MAGI2: variants seen among roughly 807,000 people sequenced by gnomAD.
The protein encoded by MAGI2 is membrane associated guanylate kinase, WW and PDZ domain containing 2, also known as membrane-associated guanylate kinase, WW and PDZ domain-containing protein 2.
A neutral mutation model predicts 133.3 loss-of-function variants in MAGI2; 35 were observed. The observed-to-expected ratio is 0.26, with a 90% CI of 0.20 to 0.35. The LOEUF is 0.35. Among genes scored for constraint, MAGI2 ranks in the 10% least tolerant of loss-of-function variants. The pLI, the probability that MAGI2 is intolerant of heterozygous loss-of-function variation, is 1.00. For missense variants in MAGI2, 1,636 were observed against 1,863.4 expected (o/e 0.88, Z 2.25); for synonymous variants, 729 against 710.6 (o/e 1.03, Z -0.41).
intron 21 of MAGI2, among the ~76,000 whole-genome samples, chr7:78,070,466 A>G (rs13308037): frequency 0.48 from 70,552 of 145,758 alleles, 18,290 homozygotes; most frequent in East Asian, 0.69. Flanking sequence ...GTGTGTATAT[A>G]TGTGTGTATA....
At chr7:78,907,785 C>T (rs1584354669) in intron 2 of MAGI2, among the ~76,000 whole-genome samples, 1 of 151,998 alleles carries the variant, frequency 6.6e-6, no homozygotes, top group African/African-American at 2.4e-5. Context: ...AGAGATAAAC[C>T]GTGTCTAATA....
At chr7:79,076,316 T>G (rs1233137528) in intron 1 of MAGI2, among the ~76,000 whole-genome samples, 1 of 152,220 alleles carries the variant, frequency 6.6e-6, no homozygotes, top group Non-Finnish European at 1.5e-5. Flanking sequence ...TGAGAGGATC[T>G]ACTTGGAGGA....
chr7:78,256,478 C>A lies in MAGI2; in HGVS notation c.1512G>T (p.Leu504=). The A allele has an allele frequency of 5.6e-6, 9 of 1,613,872 alleles. No homozygotes were observed. The highest frequency in any genetic ancestry group is 6.8e-6 in the Non-Finnish European group (8 of 1,179,950). The part of the protein sequence containing the change: ...QSVPIGQSVN[L]VLCRGYPLPF... ...GCAAAGGGTAGCCACGACACAACAC[C>A]AGGTTGACACTCTGACCAATAGGAA... is the stretch of plus-strand genomic sequence containing the variant. The change falls in exon 10 of 22, where the codon CTG becomes CTT. Residue 504 remains leucine (L), a synonymous_variant. Coordinates refer to ENST00000354212, the MANE Select transcript of MAGI2 (RefSeq NM_012301.4).
At chr7:78,744,308 A>G (rs578187968) in intron 2 of MAGI2, among the ~76,000 whole-genome samples, 176 of 152,246 alleles carry the variant, frequency 1.2e-3, no homozygotes, top group African/African-American at 4.0e-3. Flanking sequence ...TAGTATCATT[A>G]GTTTTCATCC....
Position 79,072,199 on chromosome 7 carries a change from A to G in MAGI2, c.302-64993T>C, listed in dbSNP as rs111417059. ...CAGAAATCACTCGCCTTCTGTGCCA[A>G]TCTTGCTGGGACCTGCAGACTGGAG... On this transcript the variant is annotated intron_variant, in intron 1 of 21. Transcript: ENST00000354212. 5.3e-3 allele frequency among the ~76,000 whole-genome samples: 809 copies of G among 152,082 alleles called. 11 individuals are homozygous for G. Among genetic ancestry groups the G allele is most frequent in the African/African-American group, 0.018 (731 of 41,388 alleles).
intron 1 of MAGI2, among the ~76,000 whole-genome samples, chr7:79,218,175 C>T (rs988711905): frequency 8.5e-5 from 13 of 152,078 alleles, no homozygotes; most frequent in Non-Finnish European, 1.8e-4. Context: ...TACCTTGAGC[C>T]TGTCATTCCT....
At chr7:78,834,962 G>T (rs1258361546) in intron 2 of MAGI2, among the ~76,000 whole-genome samples, 1 of 152,156 alleles carries the variant, frequency 6.6e-6, no homozygotes, top group African/African-American at 2.4e-5. Context: ...CTCCTCAGAA[G>T]CTGAGCAGAT....
chr7:78,710,544 C>G (rs193215818), intron 2 of MAGI2, among the ~76,000 whole-genome samples: 1 of 152,074 alleles, frequency 6.6e-6, no homozygotes. Flanking sequence ...GTCCATGGCA[C>G]GATAATACCA....
At chr7:79,022,699 G>A (rs1382314932) in intron 1 of MAGI2, among the ~76,000 whole-genome samples, 2 of 147,800 alleles carry the variant, frequency 1.4e-5, no homozygotes, top group Non-Finnish European at 3.0e-5. Flanking sequence ...ATTACAACTG[G>A]CCACACAGAA....
At chr7:78,564,765 T>C (rs1042182129) in intron 3 of MAGI2, among the ~76,000 whole-genome samples, 17 of 147,326 alleles carry the variant, frequency 1.2e-4, no homozygotes, top group Non-Finnish European at 2.3e-4. Context: ...AGTTACTTCA[T>C]CTCATCTCTT....
At chr7:78,042,475 T>C (rs1171650872) in intron 21 of MAGI2, among the ~76,000 whole-genome samples, 3 of 152,170 alleles carry the variant, frequency 2.0e-5, no homozygotes, top group Admixed American at 2.0e-4. Context: ...GGGCGTGAAC[T>C]CCTCTGGGCT....
At chr7:78,220,172 ACAACT>A (rs1350164370) in intron 10 of MAGI2, among the ~76,000 whole-genome samples, 1 of 152,256 alleles carries the variant, frequency 6.6e-6, no homozygotes, top group African/African-American at 2.4e-5. Flanking sequence ...GGGCTGTGTG[ACAACT>A]CTATCTTTGC....
At chr7:79,155,778 T>C (rs1422997774) in intron 1 of MAGI2, among the ~76,000 whole-genome samples, 1 of 152,024 alleles carries the variant, frequency 6.6e-6, no homozygotes, top group East Asian at 1.9e-4. Context: ...TGGTGTGAGA[T>C]CATCACTAGA....
chr7:79,010,906 C>T (rs1206835951), intron 1 of MAGI2: 3 of 152,056 alleles, frequency 2.0e-5, no homozygotes, highest in Non-Finnish European at 2.9e-5. Context: ...AAAACATGTA[C>T]CTAATTTTCA....
chr7:79,417,871 A>C (rs1259782838), intron 1 of MAGI2, among the ~76,000 whole-genome samples: 1 of 152,164 alleles, frequency 6.6e-6, no homozygotes, highest in African/African-American at 2.4e-5. Flanking sequence ...GTAGAAACAA[A>C]GAGAAAACAA....
chr7:78,019,316 C>A lies in MAGI2; in HGVS notation c.4367G>T (p.Ter1456LeuextTer33). 1 of 1,562,200 alleles carries A rather than the reference C, an allele frequency of 6.4e-7. No individual in the cohort carries two copies. Among genetic ancestry groups the A allele is most frequent in the Non-Finnish European group, 8.6e-7 (1 of 1,163,942 alleles). ...GCGGGTTGGCCGTGGCCGCGCGGCTCATCTGCTGGCGGCCGAGGCGCCGGG... is the reference window on the plus strand; with the variant it reads ...GCGGGTTGGCCGTGGCCGCGCGGCTAATCTGCTGGCGGCCGAGGCGCCGGG... ...LKPGASAASR[*>L] The change falls in exon 22 of 22, where the codon TGA (stop) becomes TTA (leucine). Residue 1456 changes from the stop codon to leucine (L), a stop_lost. Transcript: ENST00000354212.
intron 2 of MAGI2, among the ~76,000 whole-genome samples, chr7:78,685,241 G>A (rs1816150274): frequency 6.6e-6 from 1 of 152,112 alleles, no homozygotes. Context: ...CAGAGTTTAA[G>A]GCTGTCACCC....
rs781364680 is a variant in MAGI2, at chr7:78,489,822, T to C, written c.984A>G (p.Thr328=). 3.2e-5 allele frequency: 52 copies of C among 1,612,796 alleles called. No individual in the cohort carries two copies. The East Asian group carries it at 9.1e-4, about 28-fold the overall frequency. ...VYFIDHNTKT[T]SWLDPRLAKK... ...TCGCAAGTCGTGGATCCAGCCATGA[T>C]GTTGTCTTTGTGTTATGGCTGAAAA... Residue 328 remains threonine (T), a synonymous_variant, in exon 6 of 22, where the codon ACA becomes ACG. Coordinates refer to ENST00000354212, the MANE Select transcript of MAGI2 (RefSeq NM_012301.4).
intron 1 of MAGI2, among the ~76,000 whole-genome samples, chr7:79,381,074 T>C (rs1843740673): frequency 6.6e-6 from 1 of 151,698 alleles, no homozygotes; most frequent in Non-Finnish European, 1.5e-5. Context: ...GAATCTCAAA[T>C]CACCAGTTTG....
Sources: gnomAD v4.1 joint callset for allele counts (sites outside exome capture counted in the v4.1 genomes callset) on GRCh38, gnomAD v4.1.1 for gene constraint, MANE v1.5 for transcripts, NCBI Gene and HGNC (gene_info 2026-07-23, HGNC 2026-07-21) for gene names.